The following UNC5D variants were observed in gnomAD, a reference collection of about 807,000 sequenced individuals.
UNC5D encodes netrin receptor UNC5D.
UNC5D carries 39 observed loss-of-function variants against 105.4 expected under a neutral mutation model. That is an observed-to-expected ratio of 0.37 (90% confidence interval 0.29 to 0.48). The LOEUF (loss-of-function observed/expected upper bound fraction) is 0.48. Ranked by LOEUF, UNC5D falls within the 20% of genes least tolerant of loss-of-function variation. The pLI, the probability that UNC5D is intolerant of heterozygous loss-of-function variation, is 0.98. For missense variants in UNC5D, 991 were observed against 1,202.4 expected, an observed-to-expected ratio of 0.82 and a Z score of 2.60; for synonymous variants, 452 against 450.4, an observed-to-expected ratio of 1.00 and a Z score of -0.04.
chr8:35,518,503 T>C lies in UNC5D; in HGVS notation c.104-30789T>C, dbSNP rs147002592. Among the ~76,000 whole-genome samples, 387 of 152,330 alleles carry C rather than the reference T, an allele frequency of 2.5e-3. 4 individuals are homozygous for C. Among genetic ancestry groups the C allele is most frequent in the African/African-American group, 8.8e-3 (367 of 41,584 alleles). ...ATATGTTGGTAAATATGATGGTAGA[T>C]AGATCGATGGTCCCTTCTTACTGCA... On this transcript the variant is annotated intron_variant, in intron 1 of 16. Coordinates refer to ENST00000404895, the MANE Select transcript of UNC5D (RefSeq NM_080872.4).
intron 7 of UNC5D, among the ~76,000 whole-genome samples, chr8:35,687,392 A>C (rs1826082741): frequency 6.6e-6 from 1 of 150,940 alleles, no homozygotes; most frequent in Non-Finnish European, 1.5e-5. Flanking sequence ...CAGTGAGCCA[A>C]GATTGTGCCA....
At chr8:35,373,153 A>T (rs1302568414) in intron 1 of UNC5D, among the ~76,000 whole-genome samples, 1 of 152,200 alleles carries the variant, frequency 6.6e-6, no homozygotes, top group Non-Finnish European at 1.5e-5. Flanking sequence ...TGTAAAAATA[A>T]ATAGCATCAC....
At chr8:35,777,051 C>G (rs186632389) in intron 16 of UNC5D, among the ~76,000 whole-genome samples, 1 of 152,110 alleles carries the variant, frequency 6.6e-6, no homozygotes, top group African/African-American at 2.4e-5. Context: ...GTCAGGAGTT[C>G]GAGACCAGCC....
intron 13 of UNC5D, among the ~76,000 whole-genome samples, chr8:35,756,050 A>G (rs1437155209): frequency 6.6e-6 from 1 of 152,146 alleles, no homozygotes; most frequent in African/African-American, 2.4e-5. Flanking sequence ...CTGTATTTGG[A>G]GAGTATTTTA....
chr8:35,470,047 T>A (rs1482045808), intron 1 of UNC5D, among the ~76,000 whole-genome samples: 1 of 152,232 alleles, frequency 6.6e-6, no homozygotes, highest in African/African-American at 2.4e-5. Flanking sequence ...ACATACTTTT[T>A]AATTTTGATT....
intron 1 of UNC5D, among the ~76,000 whole-genome samples, chr8:35,298,846 C>G (rs979369547): frequency 1.3e-5 from 2 of 152,170 alleles, no homozygotes; most frequent in Non-Finnish European, 2.9e-5. Context: ...AGAAGTGGTA[C>G]TTGAACATTA....
chr8:35,732,268 C>T (rs370945895), intron 11 of UNC5D, among the ~76,000 whole-genome samples: 1 of 152,138 alleles, frequency 6.6e-6, no homozygotes, highest in Admixed American at 6.5e-5. Context: ...TTCTGCTGTA[C>T]AGGGCTCGAG....
intron 6 of UNC5D, among the ~76,000 whole-genome samples, chr8:35,685,096 T>C (rs1231685361): frequency 6.6e-6 from 1 of 152,166 alleles, no homozygotes; most frequent in Non-Finnish European, 1.5e-5. Flanking sequence ...ATTTGTATAA[T>C]AGTTAGCAGG....
intron 3 of UNC5D, among the ~76,000 whole-genome samples, chr8:35,592,827 G>T (rs760098835): frequency 2.0e-5 from 3 of 152,052 alleles, no homozygotes; most frequent in Non-Finnish European, 4.4e-5. Flanking sequence ...CCCAGTCATT[G>T]CCTTTAATCT....
chr8:35,338,392 G>T (rs1460866433), intron 1 of UNC5D, among the ~76,000 whole-genome samples: 5 of 152,102 alleles, frequency 3.3e-5, no homozygotes, highest in Non-Finnish European at 7.4e-5. Flanking sequence ...GCCAGTTTTG[G>T]TTTTTCTGGG....
rs1181909614 is a variant in UNC5D, at chr8:35,766,894, C to T, written c.2314-8C>T. On this transcript the variant is annotated splice_polypyrimidine_tract_variant and splice_region_variant and intron_variant, in intron 14 of 16. Transcript: ENST00000404895. Reference sequence around the variant, plus strand: ...GCACACCATCCCTTCTCTCCGTCTCCCCTGCAGGAAGTCCCGTTCTCCCGC... The same window carrying T: ...GCACACCATCCCTTCTCTCCGTCTCTCCTGCAGGAAGTCCCGTTCTCCCGC... 3.7e-6 allele frequency: 6 copies of T among 1,609,694 alleles called. No homozygotes were observed. The Admixed American group carries it at 1.0e-4, about 27-fold the overall frequency.
chr8:35,423,148 A>T (rs375547362), intron 1 of UNC5D, among the ~76,000 whole-genome samples: 2 of 152,228 alleles, frequency 1.3e-5, no homozygotes, highest in Non-Finnish European at 2.9e-5. Context: ...TGACATGTGC[A>T]TGGAGAACAG....
chr8:35,516,520 A>G (rs889114686), intron 1 of UNC5D, among the ~76,000 whole-genome samples: 2 of 152,098 alleles, frequency 1.3e-5, no homozygotes, highest in East Asian at 1.9e-4. Flanking sequence ...GTTGATCGTA[A>G]TCTTTCCTAC....
intron 4 of UNC5D, among the ~76,000 whole-genome samples, chr8:35,656,395 G>A (rs1021747874): frequency 3.7e-4 from 56 of 152,322 alleles, no homozygotes; most frequent in Admixed American, 2.0e-3. Context: ...TTTCTGAGAA[G>A]TTGACAGTTA....
intron 2 of UNC5D, among the ~76,000 whole-genome samples, chr8:35,551,728 G>T (rs1207424388): frequency 2.0e-5 from 3 of 151,782 alleles, no homozygotes; most frequent in Admixed American, 6.6e-5. Context: ...TGAGGCAGGA[G>T]AATTGCTTGA....
At chr8:35,680,273 T>A (rs1825566521) in intron 4 of UNC5D, among the ~76,000 whole-genome samples, 1 of 152,164 alleles carries the variant, frequency 6.6e-6, no homozygotes, top group Non-Finnish European at 1.5e-5. Context: ...AAATAAAAAC[T>A]CCATGTGTGT....
chr8:35,637,092 G>T (rs1822427148), intron 4 of UNC5D, among the ~76,000 whole-genome samples: 1 of 152,114 alleles, frequency 6.6e-6, no homozygotes, highest in Non-Finnish European at 1.5e-5. Context: ...ACAATTCATT[G>T]CTATTAGTTT....
rs555067907 is a variant in UNC5D at position 35,288,118 on chromosome 8, A to G, written c.103+52231A>G. ...TCTCATGGAAGCTCAGAGGTTGCCA[A>G]TCAAATTGAACCCAAAGAGGAGTTT... On this transcript the variant is annotated intron_variant, in intron 1 of 16. Transcript: ENST00000404895. 8.5e-5 allele frequency among the ~76,000 whole-genome samples: 13 copies of G among 152,184 alleles called. 1 individual carries two copies. The highest frequency in any genetic ancestry group is 7.8e-4 in the Admixed American group (12 of 15,294).
At chr8:35,422,436 T>A (rs1805978146) in intron 1 of UNC5D, among the ~76,000 whole-genome samples, 1 of 152,242 alleles carries the variant, frequency 6.6e-6, no homozygotes, top group African/African-American at 2.4e-5. Context: ...TCTTTCATTG[T>A]CAGTGAATGT....
Sources: gnomAD v4.1 joint callset for allele counts (sites outside exome capture counted in the v4.1 genomes callset) on GRCh38, gnomAD v4.1.1 for gene constraint, MANE v1.5 for transcripts, NCBI Gene and HGNC (gene_info 2026-07-23, HGNC 2026-07-21) for gene names.